L3MBTL3: variants seen among roughly 807,000 people sequenced by gnomAD.
L3MBTL3 encodes lethal(3)malignant brain tumor-like protein 3.
L3MBTL3 carries 27 observed loss-of-function variants against 102.3 expected under a neutral mutation model. The observed-to-expected ratio is 0.26, with a 90% CI of 0.19 to 0.36. L3MBTL3 has a LOEUF of 0.36. Ranked by LOEUF, L3MBTL3 falls within the 10% of genes least tolerant of loss-of-function variation. L3MBTL3 has a pLI of 1.00. For missense variants in L3MBTL3, 798 were observed against 955.3 expected (o/e 0.84, Z 2.17); for synonymous variants, 340 against 320.9 (o/e 1.06, Z -0.64).
At chr6:130,058,684 T>C (rs144688669) in intron 9 of L3MBTL3, among the ~76,000 whole-genome samples, 13 of 152,284 alleles carry the variant, frequency 8.5e-5, no homozygotes, top group Non-Finnish European at 1.8e-4. Flanking sequence ...ACGTGGTCTC[T>C]GTTGCAACGA....
At chr6:130,114,205 AAC>A (rs1785522664) in intron 19 of L3MBTL3, among the ~76,000 whole-genome samples, 1 of 152,156 alleles carries the variant, frequency 6.6e-6, no homozygotes, top group South Asian at 2.1e-4. Flanking sequence ...GTTTAGTTAA[AAC>A]ACTCACAGTT....
At chr6:130,070,622 G>A (rs1390802005) in intron 12 of L3MBTL3, among the ~76,000 whole-genome samples, 2 of 152,018 alleles carry the variant, frequency 1.3e-5, no homozygotes, top group African/African-American at 2.4e-5. Flanking sequence ...AGAAAAGAAG[G>A]ATAAAATGTG....
chr6:130,056,050 C>T (rs1214601176), intron 8 of L3MBTL3, among the ~76,000 whole-genome samples: 3 of 151,962 alleles, frequency 2.0e-5, no homozygotes, highest in Non-Finnish European at 4.4e-5. Context: ...GCCACAGCCT[C>T]CCAAGTAGCT....
intron 12 of L3MBTL3, among the ~76,000 whole-genome samples, chr6:130,070,489 G>A (rs190777750): frequency 6.6e-6 from 1 of 152,260 alleles, no homozygotes; most frequent in East Asian, 1.9e-4. Context: ...ACCTACTTTC[G>A]AGAGTACTCT....
At chr6:130,051,005 G>C (rs1046604440) in intron 5 of L3MBTL3, among the ~76,000 whole-genome samples, 3 of 152,084 alleles carry the variant, frequency 2.0e-5, no homozygotes, top group African/African-American at 7.2e-5. Context: ...TTTGAACTCT[G>C]TAGAAAAAGC....
chr6:130,052,881 G>C lies in L3MBTL3; in HGVS notation c.472G>C (p.Val158Leu), dbSNP rs758860319. Residue 158 changes from valine (V) to leucine (L), a missense_variant, in exon 7 of 23, where the codon GTA becomes CTA. Val to Leu is a conservative substitution (Grantham distance 32). Transcript: ENST00000361794. ...CAGAGATCAGAAGGAAGAAAGGGAC[G>C]TAGAAGAAGACAATGAGGAAGAAGA... Reference protein sequence around the residue: ...KDKDQKEERDVEEDNEEEDPK... With the variant: ...KDKDQKEERDLEEDNEEEDPK... The C allele has an allele frequency of 2.8e-5, 45 of 1,613,456 alleles. No individual in the cohort carries two copies. Among genetic ancestry groups the C allele is most frequent in the Non-Finnish European group, 3.6e-5 (42 of 1,179,582 alleles).
At chr6:130,104,800 CA>C (rs1270743903) in intron 19 of L3MBTL3, among the ~76,000 whole-genome samples, 1 of 150,482 alleles carries the variant, frequency 6.6e-6, no homozygotes, top group African/African-American at 2.4e-5. Context: ...TTCTCTGACT[CA>C]TTTTTTTTTT....
intron 9 of L3MBTL3, among the ~76,000 whole-genome samples, chr6:130,059,688 C>T (rs1454833849): frequency 6.6e-6 from 1 of 152,156 alleles, no homozygotes. Context: ...GTCTGTTTTC[C>T]TACAGCTTTA....
chr6:130,055,029 C>A (rs1458450800), intron 7 of L3MBTL3, 142 bp from the exon 8 acceptor site: 6 of 655,930 alleles, frequency 9.1e-6, no homozygotes, highest in African/African-American at 1.8e-5. Context: ...TTCAGATGAA[C>A]TATATTCTTA....
At position 130,140,533 on chromosome 6, in the gene L3MBTL3, T is replaced by TG. The variant is rs1452820923; in HGVS notation, c.*781dup. The TG allele has an allele frequency of 2.6e-5, 4 of 152,314 alleles. No individual in the cohort carries two copies. The highest frequency in any genetic ancestry group is 4.4e-5 in the Non-Finnish European group (3 of 68,042). 9.4% of individuals were successfully genotyped at this position (152,314 alleles called of 1,614,324 possible). On this transcript the variant is annotated 3_prime_UTR_variant, in exon 23 of 23. Transcript: ENST00000361794. Reference sequence around the variant, plus strand: ...GTGGCATCAGTCTCACTCATCTTGGTGCCCCGGTGTTTACAAGAGCCAGAT... The same window carrying TG: ...GTGGCATCAGTCTCACTCATCTTGGTGGCCCCGGTGTTTACAAGAGCCAGAT...
chr6:130,031,719 C>G (rs1779734080), intron 2 of L3MBTL3, among the ~76,000 whole-genome samples: 1 of 152,098 alleles, frequency 6.6e-6, no homozygotes, highest in Non-Finnish European at 1.5e-5. Context: ...AGCTTCAGGT[C>G]CAGTACCTTC....
intron 18 of L3MBTL3, among the ~76,000 whole-genome samples, chr6:130,100,656 A>C (rs1399956862): frequency 6.6e-6 from 1 of 152,170 alleles, no homozygotes; most frequent in Non-Finnish European, 1.5e-5. Context: ...CAAAAAAAAA[A>C]AAAAAGATAT....
intron 22 of L3MBTL3, among the ~76,000 whole-genome samples, chr6:130,137,225 AAAGGGCAGTGAAATGG>A (rs1348152577): frequency 6.6e-6 from 1 of 152,216 alleles, no homozygotes; most frequent in African/African-American, 2.4e-5. Flanking sequence ...TGAATAGTGG[AAAGGGCAGTGAAATGG>A]AAGGCCAGAG....
intron 22 of L3MBTL3, chr6:130,138,118 A>G (rs1279617272): frequency 1.3e-5 from 2 of 152,202 alleles, no homozygotes; most frequent in South Asian, 2.1e-4. Flanking sequence ...TAGGCAGTCT[A>G]TATTTACAGG....
chr6:130,052,921 G>C lies in L3MBTL3; in HGVS notation c.512G>C (p.Arg171Pro), dbSNP rs759505576. 1.2e-6 allele frequency: 2 copies of C among 1,613,874 alleles called. No homozygotes were observed. Among genetic ancestry groups the C allele is most frequent in the Non-Finnish European group, 1.7e-6 (2 of 1,179,832 alleles). The change falls in exon 7 of 23, where the codon CGG becomes CCG. Residue 171 changes from arginine (R) to proline (P), a missense_variant. This residue lies in a region of L3MBTL3 where 434 missense variants were observed against 506.6 expected (regional missense o/e 0.86). Coordinates refer to ENST00000361794, the MANE Select transcript of L3MBTL3 (RefSeq NM_032438.4). The stretch of plus-strand genomic sequence containing the variant: ...GAGGAAGAAGATCCTAAGTGTAGTC[G>C]GAAGAAAAAACCAAAATTATCTCTG... ...DNEEEDPKCS[R>P]KKKPKLSLKA...
At chr6:130,055,930 C>T (rs1479464269) in intron 8 of L3MBTL3, among the ~76,000 whole-genome samples, 4 of 149,012 alleles carry the variant, frequency 2.7e-5, no homozygotes, top group Non-Finnish European at 4.5e-5. Context: ...CCTCCCCTCC[C>T]CTCCCCTCTC....
At chr6:130,083,574 T>C in intron 14 of L3MBTL3, 46 bp from the exon 15 acceptor site, 2 of 784,378 alleles carry the variant, frequency 2.5e-6, no homozygotes, top group Non-Finnish European at 4.2e-6. Flanking sequence ...TTATTCTTGC[T>C]ATCATTTTGG....
At chr6:130,057,746 T>G (rs991386108) in intron 9 of L3MBTL3, among the ~76,000 whole-genome samples, 11 of 152,184 alleles carry the variant, frequency 7.2e-5, no homozygotes, top group Admixed American at 7.2e-4. Flanking sequence ...ATGGGCTTGC[T>G]ATCATGAATT....
intron 19 of L3MBTL3, among the ~76,000 whole-genome samples, chr6:130,111,062 G>A (rs1035150961): frequency 6.6e-5 from 10 of 151,804 alleles, no homozygotes; most frequent in African/African-American, 2.4e-4. Flanking sequence ...AATGCACTTT[G>A]CCACACAAGA....
Sources: allele counts gnomAD v4.1 joint callset (sites outside exome capture counted in the v4.1 genomes callset), GRCh38; gene constraint gnomAD v4.1.1; regional missense constraint gnomAD v4.1.1; transcripts MANE v1.5; gene names NCBI Gene and HGNC (gene_info 2026-07-23, HGNC 2026-07-21).